The following POPDC2 variants were observed in gnomAD, a reference collection of about 807,000 sequenced individuals.
POPDC2 encodes the protein popeye domain cAMP effector 2.
A neutral mutation model predicts 30.5 loss-of-function variants in POPDC2; 24 were observed. That is an observed-to-expected ratio of 0.79 (90% CI 0.57 to 1.11). The LOEUF (loss-of-function observed/expected upper bound fraction) is 1.11, where lower values mean the gene tolerates loss of function less well. POPDC2 is among the 50% of genes least tolerant of loss of function. The pLI, the probability that POPDC2 is intolerant of heterozygous loss-of-function variation, is 0.00. For synonymous variants in POPDC2, 185 were observed against 183.3 expected (o/e 1.01, Z -0.07); for missense variants, 409 against 447.0 (o/e 0.91, Z 0.77).
At chr3:119,649,282 G>T (rs1328547302) in intron 2 of POPDC2, among the ~76,000 whole-genome samples, 1 of 152,080 alleles carries the variant, frequency 6.6e-6, no homozygotes, top group Non-Finnish European at 1.5e-5. Flanking sequence ...ACTGAAATCA[G>T]AAAAAGGGCA....
intron 2 of POPDC2, 132 bp from the exon 3 acceptor site, chr3:119,648,800 T>C (rs2052776629): frequency 2.6e-6 from 2 of 757,398 alleles, no homozygotes; most frequent in Non-Finnish European, 4.2e-6. Flanking sequence ...TACCCCTCTA[T>C]GGCCTTGCCT....
At chr3:119,653,102 G>C (rs2052834332) in intron 2 of POPDC2, among the ~76,000 whole-genome samples, 1 of 152,082 alleles carries the variant, frequency 6.6e-6, no homozygotes, top group African/African-American at 2.4e-5. Flanking sequence ...CTCTTCTGGT[G>C]ACCTTCCCAT....
At chr3:119,648,785 G>T in intron 2 of POPDC2, 117 bp from the exon 3 acceptor site, 4 of 899,670 alleles carry the variant, frequency 4.4e-6, no homozygotes, top group Non-Finnish European at 6.7e-6. Flanking sequence ...GAAGCTGTGT[G>T]GGAGTACCCC....
chr3:119,651,289 G>T (rs1577169815), intron 2 of POPDC2, among the ~76,000 whole-genome samples: 1 of 151,284 alleles, frequency 6.6e-6, no homozygotes, highest in Admixed American at 6.6e-5. Context: ...TTGCTCAAAT[G>T]TTATCTGCTT....
intron 1 of POPDC2, among the ~76,000 whole-genome samples, chr3:119,657,860 CAG>C (rs2052897184): frequency 6.6e-6 from 1 of 152,136 alleles, no homozygotes; most frequent in Non-Finnish European, 1.5e-5. Context: ...GTTGCCTGCT[CAG>C]GGGGTTGTAT....
At chr3:119,656,204 AGG>A (rs2052877252) in intron 1 of POPDC2, among the ~76,000 whole-genome samples, 7 of 152,188 alleles carry the variant, frequency 4.6e-5, no homozygotes, top group Admixed American at 1.3e-4. Context: ...ATGTCCTAGT[AGG>A]ACATGTTCTT....
At chr3:119,659,526 G>A (rs3749416) in intron 1 of POPDC2, among the ~76,000 whole-genome samples, 67,039 of 152,060 alleles carry the variant, frequency 0.44, 15,211 homozygotes, top group South Asian at 0.57. Context: ...TTGAATTTGA[G>A]TAAGGAACAG....
chr3:119,658,261 A>G (rs1228382346), intron 1 of POPDC2, among the ~76,000 whole-genome samples: 2 of 152,218 alleles, frequency 1.3e-5, no homozygotes, highest in African/African-American at 4.8e-5. Context: ...CTGAAAGATA[A>G]CAAAACTCTT....
In POPDC2 at chr3:119,660,373, C is replaced by A. The variant is rs752956506; in HGVS notation, c.51G>T (p.Ala17=). 3.1e-6 allele frequency: 5 copies of A among 1,614,078 alleles called. No individual in the cohort carries two copies. The highest frequency in any genetic ancestry group is 2.2e-5 in the East Asian group (1 of 44,856). ...RVGQLLLQGS[A]CIRWKQDVEG... is the part of the protein sequence containing the mutation. Reference sequence around the variant, plus strand: ...CCACATCCTGCTTCCACCTAATGCACGCTGAACCCTGCAAGAGAAGCTGGC... The same window carrying A: ...CCACATCCTGCTTCCACCTAATGCAAGCTGAACCCTGCAAGAGAAGCTGGC... Residue 17 remains alanine, a synonymous_variant, in exon 1 of 4, where the codon GCG becomes GCT. Coordinates refer to ENST00000493094, the MANE Select transcript of POPDC2 (RefSeq NM_001369919.2).
Position 119,642,486 on chromosome 3 carries a change from G to A in POPDC2, c.*119C>T. The A allele has an allele frequency of 1.2e-6, 2 of 1,609,338 alleles. No individual in the cohort carries two copies. Among genetic ancestry groups the A allele is most frequent in the Non-Finnish European group, 1.7e-6 (2 of 1,175,644 alleles). The stretch of plus-strand genomic sequence containing the variant: ...ATAGTCCAATGATCCTTAAAGTTCA[G>A]GCGTGTGGGTTGGAGCCAAAGGGGC... On this transcript the variant is annotated 3_prime_UTR_variant, in exon 4 of 4. Transcript: ENST00000493094.
upstream of POPDC2, chr3:119,660,773 T>G: frequency 5.2e-6 from 1 of 193,934 alleles, no homozygotes; most frequent in Non-Finnish European, 1.1e-5. Context: ...ATTTGGTTCT[T>G]AGCAGAAAAA....
intron 1 of POPDC2, among the ~76,000 whole-genome samples, chr3:119,657,202 A>G (rs7633444): frequency 0.36 from 55,277 of 152,070 alleles, 10,681 homozygotes; most frequent in East Asian, 0.66. Flanking sequence ...CTCTTCCTTA[A>G]TGGTGCTAGA....
At chr3:119,651,029 T>C (rs534739207) in intron 2 of POPDC2, among the ~76,000 whole-genome samples, 1 of 152,322 alleles carries the variant, frequency 6.6e-6, no homozygotes, top group Non-Finnish European at 1.5e-5. Context: ...TCCAACCCTT[T>C]AGAAAATCCT....
intron 3 of POPDC2, among the ~76,000 whole-genome samples, chr3:119,645,631 C>T (rs1338541200): frequency 6.7e-6 from 1 of 150,084 alleles, no homozygotes; most frequent in African/African-American, 2.5e-5. Flanking sequence ...ACTGTAATCA[C>T]ATGGTAGGTG....
intron 2 of POPDC2, among the ~76,000 whole-genome samples, chr3:119,651,068 T>C (rs2052802588): frequency 6.6e-6 from 1 of 152,204 alleles, no homozygotes. Flanking sequence ...ATATATGCTA[T>C]GGCCCTACAT....
At chr3:119,642,594 CTATGTCTCTGGACAG>C in intron 3 of POPDC2, 33 bp from the exon 4 acceptor site, 1 of 1,423,250 alleles carries the variant, frequency 7.0e-7, no homozygotes. Flanking sequence ...GATTTTAGCA[CTATGTCTCTGGACAG>C]TTTGTCTAAC....
At chr3:119,654,876 G>T in intron 1 of POPDC2, 1 of 451,344 alleles carries the variant, frequency 2.2e-6, no homozygotes, top group Non-Finnish European at 4.0e-6. Context: ...CTGCAGAGTA[G>T]AAGTCCCAGG....
In POPDC2 at chr3:119,648,444, A is replaced by G; in HGVS notation, c.825T>C (p.Ala275=). 1 of 1,614,190 alleles carries G rather than the reference A, an allele frequency of 6.2e-7. No homozygotes were observed. Among genetic ancestry groups the G allele is most frequent in the Non-Finnish European group, 8.5e-7 (1 of 1,180,034 alleles). The part of the protein sequence containing the change: ...PSLYHVLGPT[A]ADAGPESEKG... ...TCTCGGACTCTGGTCCAGCATCTGC[A>G]GCAGTGGGACCCAGGACATGGTAGA... Residue 275 remains alanine, a synonymous_variant, in exon 3 of 4, where the codon GCT becomes GCC. Transcript: ENST00000493094.
chr3:119,654,674 G>A, intron 1 of POPDC2, 61 bp from the exon 2 acceptor site: 3 of 1,197,690 alleles, frequency 2.5e-6, no homozygotes, highest in African/African-American at 1.5e-5. Context: ...AGCCACCTAT[G>A]CTGAAGTTAG....
Sources: allele counts gnomAD v4.1 joint callset (sites outside exome capture counted in the v4.1 genomes callset), GRCh38; gene constraint gnomAD v4.1.1; transcripts MANE v1.5; gene names NCBI Gene and HGNC (gene_info 2026-07-23, HGNC 2026-07-21).